The following REPS2 variants were observed in gnomAD, a reference collection of about 807,000 sequenced individuals.
REPS2 encodes RALBP1 associated Eps domain containing 2, also known as ralBP1-associated Eps domain-containing protein 2.
Under a neutral mutation model 53.6 loss-of-function variants are expected in REPS2, and 23 were observed. The observed-to-expected ratio is 0.43, with a 90% CI of 0.31 to 0.61. The LOEUF (loss-of-function observed/expected upper bound fraction) is 0.61, where lower values mean the gene tolerates loss of function less well. Ranked by LOEUF, REPS2 falls within the 20% of genes least tolerant of loss-of-function variation. The probability of loss-of-function intolerance (pLI) is 0.11; values close to 1 mark genes in which losing one functional copy is unlikely to be tolerated. For missense variants in REPS2, 446 were observed against 534.9 expected (o/e 0.83, Z 1.64); for synonymous variants, 238 against 218.6 (o/e 1.09, Z -0.78).
In REPS2 at chrX:16,988,879, C is replaced by T. The variant is rs190757595; in HGVS notation, c.274-17342C>T. Among the ~76,000 whole-genome samples, 49 of 111,975 alleles carry T rather than the reference C, an allele frequency of 4.4e-4. 1 individual carries two copies. In the South Asian group the frequency reaches 0.017, roughly 38 times the overall value. ...ACTCAACATAGTAAAGATATCATTT[C>T]TCCCCCAAATTGATATACAGGTTTA... On this transcript the variant is annotated intron_variant, in intron 1 of 17. Coordinates refer to ENST00000357277, the MANE Select transcript of REPS2 (RefSeq NM_004726.3).
intron 14 of REPS2, among the ~76,000 whole-genome samples, chrX:17,131,991 C>T (rs957645098): frequency 2.8e-5 from 3 of 108,021 alleles, no homozygotes; most frequent in Non-Finnish European, 5.7e-5. Context: ...AGGACATGAG[C>T]GACAATCATT....
Position 17,119,868 on chromosome X carries a change from C to CTTTTTTTTTTTTTT in REPS2, c.1579-13943_1579-13930dup, listed in dbSNP as rs35141257. 4.0e-3 allele frequency among the ~76,000 whole-genome samples: 164 copies of CTTTTTTTTTTTTTT among 40,507 alleles called. 20 individuals are homozygous for CTTTTTTTTTTTTTT. Among genetic ancestry groups the CTTTTTTTTTTTTTT allele is most frequent in the African/African-American group, 0.018 (154 of 8,394 alleles). The allele number at this position is 40,507 out of a possible 115,157, so 35.2% of individuals were successfully genotyped here. A position where few individuals can be genotyped will look rare whatever the true frequency, so the allele number is the denominator to read the frequency against. On this transcript the variant is annotated intron_variant, in intron 14 of 17. Coordinates refer to ENST00000357277, the MANE Select transcript of REPS2 (RefSeq NM_004726.3). ...TCTGCTGTCCCCTATCGCACTGTGACTTTTTTTTTTTTTTTTTTTTTTTTT... is the reference window on the plus strand; with the variant it reads ...TCTGCTGTCCCCTATCGCACTGTGACTTTTTTTTTTTTTTTTTTTTTTTTTTTTTTTTTTTTTTT...
intron 2 of REPS2, among the ~76,000 whole-genome samples, chrX:17,018,954 A>G (rs1170124517): frequency 9.1e-6 from 1 of 110,437 alleles, no homozygotes; most frequent in Non-Finnish European, 1.9e-5. Context: ...GGCATATGCC[A>G]CCATGCCCAG....
intron 14 of REPS2, among the ~76,000 whole-genome samples, chrX:17,119,249 A>G (rs1303063060): frequency 2.7e-5 from 3 of 112,456 alleles, no homozygotes; most frequent in Non-Finnish European, 5.6e-5. Context: ...CTATACTACT[A>G]TGCTGTGCTG....
chrX:17,092,984 C>G (rs761615974), intron 13 of REPS2, among the ~76,000 whole-genome samples: 1 of 101,804 alleles, frequency 9.8e-6, no homozygotes, highest in South Asian at 4.7e-4. Flanking sequence ...TGTGTGAGTA[C>G]CTACTAAACA....
the REPS2 span, among the ~76,000 whole-genome samples, chrX:17,175,287 A>G: frequency 8.9e-6 from 1 of 112,541 alleles, no homozygotes; most frequent in African/African-American, 3.2e-5. Flanking sequence ...CAGGCATTGT[A>G]TGGGCACATT....
intron 13 of REPS2, chrX:17,099,737 C>G (rs2148047696): frequency 1.9e-6 from 1 of 516,788 alleles, no homozygotes; most frequent in African/African-American, 2.3e-5. Context: ...CCACCTGAAA[C>G]CCACAGTCAG....
chrX:17,166,456 G>A, the REPS2 span, among the ~76,000 whole-genome samples: 2 of 111,937 alleles, frequency 1.8e-5, no homozygotes, highest in Non-Finnish European at 3.8e-5. Context: ...TGACTTAAAA[G>A]GCTGAGGTAT....
Position 17,138,904 on chromosome X carries a change from T to C in REPS2, c.1857T>C (p.Asn619=), listed in dbSNP as rs140955532. The C allele has an allele frequency of 4.7e-3, 5,694 of 1,204,842 alleles. 19 individuals carry two copies. The highest frequency in any genetic ancestry group is 5.9e-3 in the Non-Finnish European group (5,241 of 893,025). ...KKAIQTAIRK[N]KEANAVLARL... The stretch of plus-strand genomic sequence containing the variant: ...CCATTCAAACTGCTATCCGCAAAAA[T>C]AAAGAGGCAAACGCAGTGCTGGCTC... Residue 619 remains asparagine, a synonymous_variant, in exon 17 of 18, where the codon AAT becomes AAC. Coordinates refer to ENST00000357277, the MANE Select transcript of REPS2 (RefSeq NM_004726.3).
At chrX:16,990,380 C>T (rs1034462112) in intron 1 of REPS2, among the ~76,000 whole-genome samples, 6 of 110,781 alleles carry the variant, frequency 5.4e-5, no homozygotes, top group South Asian at 3.8e-4. Flanking sequence ...GAGGCCGAGG[C>T]GGGTGAATTG....
At chrX:17,101,664 A>G (rs987528628) in intron 13 of REPS2, among the ~76,000 whole-genome samples, 5 of 112,097 alleles carry the variant, frequency 4.5e-5, no homozygotes, top group Admixed American at 1.9e-4. Flanking sequence ...ACTTAATGAG[A>G]TCCGAATCAG....
At chrX:16,996,132 G>A (rs2061231950) in intron 1 of REPS2, among the ~76,000 whole-genome samples, 1 of 111,482 alleles carries the variant, frequency 9.0e-6, no homozygotes, top group Admixed American at 9.5e-5. Flanking sequence ...TGGGGATGAG[G>A]TGCAGGACAA....
In REPS2 at chrX:17,004,184, AT is replaced by A. The variant is rs199620191; in HGVS notation, c.274-2030del. On this transcript the variant is annotated intron_variant, in intron 1 of 17. Coordinates refer to ENST00000357277, the MANE Select transcript of REPS2 (RefSeq NM_004726.3). ...TAAAGAAGAGGAGTGGAATCTTTTCATTTTTTTCCCCTTTATTTTGAGGAAA... is the reference window on the plus strand; with the variant it reads ...TAAAGAAGAGGAGTGGAATCTTTTCATTTTTTCCCCTTTATTTTGAGGAAA... Among the ~76,000 whole-genome samples, 420 of 110,410 alleles carry A rather than the reference AT, an allele frequency of 3.8e-3. 2 individuals carry two copies. The highest frequency in any genetic ancestry group is 0.013 in the African/African-American group (396 of 30,329).
intron 9 of REPS2, among the ~76,000 whole-genome samples, chrX:17,065,853 G>A (rs1379365419): frequency 1.8e-5 from 2 of 111,577 alleles, no homozygotes; most frequent in East Asian, 5.6e-4. Context: ...CCATAGTGCT[G>A]GGATTACAGG....
At chrX:17,119,908 G>T (rs183658556) in intron 14 of REPS2, among the ~76,000 whole-genome samples, 233 of 71,808 alleles carry the variant, frequency 3.2e-3, no homozygotes, top group Non-Finnish European at 4.6e-3. Context: ...AAAGAGTCTT[G>T]CTCCGTTGCC....
chrX:17,050,190 C>CTTTCTTTCT (rs2061973724), intron 6 of REPS2, among the ~76,000 whole-genome samples: 2 of 48,646 alleles, frequency 4.1e-5, no homozygotes, highest in Non-Finnish European at 7.2e-5. Flanking sequence ...TTCTTTCTTT[C>CTTTCTTTCT]TTTCTTTTTT....
At chrX:16,987,762 T>C (rs922508185) in intron 1 of REPS2, among the ~76,000 whole-genome samples, 1 of 112,591 alleles carries the variant, frequency 8.9e-6, no homozygotes, top group Non-Finnish European at 1.9e-5. Flanking sequence ...AAACAGACAG[T>C]GGGCCAGATT....
At chrX:17,178,116 T>G in the REPS2 span, among the ~76,000 whole-genome samples, 2 of 112,214 alleles carry the variant, frequency 1.8e-5, no homozygotes, top group Non-Finnish European at 3.8e-5. Flanking sequence ...GGCCATGGTT[T>G]ATGTTTTTGG....
At chrX:17,008,575 C>A (rs1034065796) in intron 2 of REPS2, among the ~76,000 whole-genome samples, 5 of 112,186 alleles carry the variant, frequency 4.5e-5, no homozygotes, top group Non-Finnish European at 9.4e-5. Context: ...CTTCACCACT[C>A]TCTACTAATC....
Sources: allele counts gnomAD v4.1 joint callset (sites outside exome capture counted in the v4.1 genomes callset), GRCh38; gene constraint gnomAD v4.1.1; transcripts MANE v1.5; gene names NCBI Gene and HGNC (gene_info 2026-07-23, HGNC 2026-07-21).